Variants in TRPM8 observed in about 807,000 individuals in gnomAD.
The protein encoded by TRPM8 is TRPM8 cationic channel.
A neutral mutation model predicts 133.7 loss-of-function variants in TRPM8; 110 were observed. That is an observed-to-expected ratio of 0.82 (90% CI 0.70 to 0.96). TRPM8 has a LOEUF of 0.96. TRPM8 is among the 40% of genes least tolerant of loss of function. TRPM8 has a pLI of 0.00. For synonymous variants in TRPM8, 535 were observed against 532.3 expected (o/e 1.01, Z -0.07); for missense variants, 1,291 against 1,379.5 (o/e 0.94, Z 1.02).
At position 233,942,739 on chromosome 2, in the gene TRPM8, C is replaced by T. The variant is rs147774253; in HGVS notation, c.690C>T (p.Cys230=). Residue 230 remains cysteine (C), a synonymous_variant, in exon 6 of 26, where the codon TGC becomes TGT. Coordinates refer to ENST00000324695, the MANE Select transcript of TRPM8 (RefSeq NM_024080.5). ...VSNRDTLIRN[C]DAEGYFLAQY... Reference sequence around the variant, plus strand: ...ACCGGGACACCCTCATCAGGAATTGCGATGCTGAGGTACCGGTGGGACAGG... The same window carrying T: ...ACCGGGACACCCTCATCAGGAATTGTGATGCTGAGGTACCGGTGGGACAGG... 6.1e-5 allele frequency: 99 copies of T among 1,614,030 alleles called. No homozygotes were observed. Among genetic ancestry groups the T allele is most frequent in the South Asian group, 8.8e-5 (8 of 91,074 alleles).
intron 11 of TRPM8, 130 bp from the exon 12 acceptor site, chr2:233,960,646 G>T: frequency 1.4e-6 from 1 of 714,398 alleles, no homozygotes; most frequent in East Asian, 2.6e-5. Flanking sequence ...AGACAGGATT[G>T]AAAGAGAAGT....
In TRPM8 at chr2:233,996,206, C is replaced by T. The variant is rs1559546437; in HGVS notation, c.2940-120C>T. On this transcript the variant is annotated intron_variant, in intron 21 of 25. Transcript: ENST00000324695. ...GGCTCGTGTATCACTCTGGATTCTT[C>T]TCTCCTGTCTGTACTTAAGCTATTG... is the stretch of plus-strand genomic sequence containing the variant. 1.9e-5 allele frequency: 16 copies of T among 842,852 alleles called. No individual in the cohort carries two copies. In the East Asian group the frequency reaches 3.9e-4, roughly 21 times the overall value. 52.2% of individuals were successfully genotyped at this position (842,852 alleles called of 1,614,324 possible).
intron 5 of TRPM8, 25 bp from the exon 6 acceptor site, chr2:233,942,551 A>G: frequency 1.2e-6 from 2 of 1,613,876 alleles, no homozygotes; most frequent in Non-Finnish European, 8.5e-7. Context: ...CCACTTGACC[A>G]TTTACTCTTC....
intron 25 of TRPM8, among the ~76,000 whole-genome samples, chr2:234,015,110 T>A (rs1247292877): frequency 1.3e-5 from 2 of 152,240 alleles, no homozygotes; most frequent in Admixed American, 6.5e-5. Context: ...ATGTTAATCA[T>A]CTTTTTACTA....
chr2:234,011,865 C>T (rs751569995), intron 24 of TRPM8, among the ~76,000 whole-genome samples: 73 of 131,774 alleles, frequency 5.5e-4, no homozygotes, highest in Admixed American at 8.5e-4. Context: ...TGCAGTGAAC[C>T]GAGATCGCGC....
chr2:233,926,692 T>C, intron 2 of TRPM8, 38 bp downstream of exon 2: 1 of 1,488,000 alleles, frequency 6.7e-7, no homozygotes, highest in African/African-American at 1.4e-5. Flanking sequence ...AGGTTATCAT[T>C]GTAACCTTCG....
At chr2:233,955,582 A>G (rs1165094654) in intron 11 of TRPM8, 1 of 192,956 alleles carries the variant, frequency 5.2e-6, no homozygotes, top group Non-Finnish European at 1.1e-5. Context: ...GAAGTATGGG[A>G]AAAATATATG....
At chr2:233,948,708 G>T (rs1282255358) in intron 8 of TRPM8, among the ~76,000 whole-genome samples, 1 of 152,160 alleles carries the variant, frequency 6.6e-6, no homozygotes, top group Non-Finnish European at 1.5e-5. Context: ...ACAGTAGTGG[G>T]GGTAGGAGAG....
intron 19 of TRPM8, 62 bp from the exon 20 acceptor site, chr2:233,982,991 C>A: frequency 6.4e-7 from 1 of 1,561,952 alleles, no homozygotes; most frequent in Non-Finnish European, 8.7e-7. Flanking sequence ...GACGGCCGGG[C>A]CGGGGGGACT....
chr2:233,981,685 T>C (rs1310559214), intron 18 of TRPM8, 89 bp from the exon 19 acceptor site: 12 of 1,379,098 alleles, frequency 8.7e-6, no homozygotes, highest in Non-Finnish European at 1.2e-5. Context: ...AGCTCTTGCC[T>C]GTTTCTTGAA....
chr2:234,006,719 C>A, intron 22 of TRPM8, 134 bp from the exon 23 acceptor site: 2 of 599,872 alleles, frequency 3.3e-6, no homozygotes, highest in Admixed American at 2.8e-5. Context: ...GAAGTAACAT[C>A]AGTCAAACCA....
intron 17 of TRPM8, among the ~76,000 whole-genome samples, chr2:233,977,523 G>A (rs1337805369): frequency 6.6e-6 from 1 of 152,202 alleles, no homozygotes; most frequent in Non-Finnish European, 1.5e-5. Context: ...CCCAGAGCAG[G>A]GCATTAAGCG....
chr2:233,983,998 G>T (rs1692078595), intron 20 of TRPM8, among the ~76,000 whole-genome samples: 2 of 152,142 alleles, frequency 1.3e-5, no homozygotes, highest in Non-Finnish European at 2.9e-5. Context: ...TGGTGGAAAG[G>T]CACCTTGGTG....
At chr2:233,926,388 T>G (rs1691515989) in intron 1 of TRPM8, 145 bp from the exon 2 acceptor site, 2 of 665,212 alleles carry the variant, frequency 3.0e-6, no homozygotes, top group Non-Finnish European at 5.4e-6. Flanking sequence ...AGAGGCACAA[T>G]GACCATGGTG....
At position 233,954,008 on chromosome 2, in the gene TRPM8, C is replaced by A. The variant is rs1260349979; in HGVS notation, c.1232C>A (p.Ala411Asp). 1.9e-6 allele frequency: 3 copies of A among 1,612,652 alleles called. No homozygotes were observed. Among genetic ancestry groups the A allele is most frequent in the African/African-American group, 2.7e-5 (2 of 74,880 alleles). ...DEIVSNAISY[A>D]LYKAFSTSEQ... ...ATTGTGAGCAATGCCATCTCCTACG[C>A]TCTATACAAAGGTGAGTAAAAATAG... Residue 411 changes from alanine (A) to aspartate (D), a missense_variant, in exon 10 of 26, where the codon GCT (alanine) becomes GAT (aspartate). Coordinates refer to ENST00000324695, the MANE Select transcript of TRPM8 (RefSeq NM_024080.5).
intron 13 of TRPM8, 146 bp from the exon 14 acceptor site, chr2:233,964,482 G>A (rs1170636289): frequency 3.5e-6 from 2 of 568,006 alleles, no homozygotes; most frequent in South Asian, 5.0e-5. Context: ...AACCCGGGAG[G>A]TGGAGGTTGC....
intron 21 of TRPM8, among the ~76,000 whole-genome samples, chr2:233,988,460 C>T (rs1411605719): frequency 6.6e-6 from 1 of 152,068 alleles, no homozygotes; most frequent in Admixed American, 6.6e-5. Context: ...CATCTCAGCA[C>T]CTGTCACTTT....
In TRPM8 at chr2:233,963,158, A is replaced by G. The variant is rs1313979123; in HGVS notation, c.1654-124A>G. The G allele has an allele frequency of 7.4e-6, 4 of 537,038 alleles. No homozygotes were observed. In the Admixed American group the frequency reaches 9.9e-5, roughly 13 times the overall value. 33.3% of individuals were successfully genotyped at this position (537,038 alleles called of 1,614,324 possible). A position where few individuals can be genotyped will look rare whatever the true frequency, so the allele number is the denominator to read the frequency against. The stretch of plus-strand genomic sequence containing the variant: ...GCAGAGATGAAAATCCCATCACTGT[A>G]CTGTGAGAATGGAGTCATGCACAAA... On this transcript the variant is annotated intron_variant, in intron 12 of 25. Coordinates refer to ENST00000324695, the MANE Select transcript of TRPM8 (RefSeq NM_024080.5).
At chr2:233,927,380 T>C (rs1454104139) in intron 2 of TRPM8, among the ~76,000 whole-genome samples, 3 of 152,084 alleles carry the variant, frequency 2.0e-5, no homozygotes, top group South Asian at 4.1e-4. Context: ...AAAAACCTGC[T>C]CTCCCCCAGT....
Sources: gnomAD v4.1 joint callset for allele counts (sites outside exome capture counted in the v4.1 genomes callset) on GRCh38, gnomAD v4.1.1 for gene constraint, MANE v1.5 for transcripts, NCBI Gene and HGNC (gene_info 2026-07-23, HGNC 2026-07-21) for gene names.